Variants in FAM153A observed in about 807,000 individuals in gnomAD.
FAM153A encodes the protein family with sequence similarity 153 member A, also known as protein FAM153A.
A neutral mutation model predicts 48.1 loss-of-function variants in FAM153A; 12 were observed. The ratio of observed to expected loss-of-function variants is 0.25; its 90% CI spans 0.16 to 0.40. FAM153A has a LOEUF of 0.40. FAM153A is among the 10% of genes least tolerant of loss of function. The pLI, the probability that FAM153A is intolerant of heterozygous loss-of-function variation, is 1.00. For missense variants in FAM153A, 111 were observed against 345.8 expected, an observed-to-expected ratio of 0.32 and a Z score of 5.38; for synonymous variants, 36 against 118.2, an observed-to-expected ratio of 0.30 and a Z score of 4.51.
chr5:177,697,100 ATCT>A, the FAM153A span, among the ~76,000 whole-genome samples: 5 of 151,776 alleles, frequency 3.3e-5, no homozygotes, highest in Non-Finnish European at 7.4e-5. Context: ...ATTTATTTAA[ATCT>A]TCTTTAATTT....
At chr5:177,728,729 A>G (rs1763178152) in intron 18 of FAM153A, among the ~76,000 whole-genome samples, 1 of 150,978 alleles carries the variant, frequency 6.6e-6, no homozygotes. Flanking sequence ...CACCACACCC[A>G]GGTAATTTTG....
chr5:177,741,752 G>A (rs2334807), intron 6 of FAM153A, among the ~76,000 whole-genome samples: 599 of 15,166 alleles, frequency 0.039, 11 homozygotes, highest in African/African-American at 0.065. Context: ...ATCATTCAGT[G>A]CACACTTCAG....
chr5:177,708,108 G>C, downstream of FAM153A: 1 of 153,812 alleles, frequency 6.5e-6, no homozygotes, highest in Middle Eastern at 1.1e-3. Flanking sequence ...AACATAAACT[G>C]TGGTCACCCA....
intron 10 of FAM153A, among the ~76,000 whole-genome samples, chr5:177,738,246 G>A (rs760138421): frequency 2.0e-5 from 3 of 151,436 alleles, no homozygotes; most frequent in Non-Finnish European, 2.9e-5. Context: ...TGTAAGGCTT[G>A]TGGAGTTTAT....
At position 177,758,585 on chromosome 5, in the gene FAM153A, G is replaced by A. The variant is rs1284658512; in HGVS notation, c.-56-9886C>T. 1.3e-4 allele frequency among the ~76,000 whole-genome samples: 19 copies of A among 141,084 alleles called. No homozygotes were observed. The East Asian group carries it at 3.4e-3, about 26-fold the overall frequency. 92.6% of individuals were successfully genotyped at this position (141,084 alleles called of 152,430 possible). Reference sequence around the variant, plus strand: ...ACCTGACTTCAAACTATACTACAAGGCTACAGTAACCAAAACAGCATGGTA... The same window carrying A: ...ACCTGACTTCAAACTATACTACAAGACTACAGTAACCAAAACAGCATGGTA... On this transcript the variant is annotated intron_variant, in intron 1 of 8. Coordinates refer to the FAM153A transcript ENST00000393518.
intron 18 of FAM153A, among the ~76,000 whole-genome samples, chr5:177,728,753 G>A (rs1336664377): frequency 1.3e-5 from 2 of 150,792 alleles, no homozygotes; most frequent in Non-Finnish European, 2.9e-5. Context: ...TTTTAGGAGC[G>A]ATGGGGTTTC....
chr5:177,755,633 T>A (rs1294536999), upstream of FAM153A, among the ~76,000 whole-genome samples: 1 of 151,806 alleles, frequency 6.6e-6, no homozygotes, highest in Non-Finnish European at 1.5e-5. Context: ...TAACAGCTGA[T>A]CTCTTGGCAT....
the FAM153A span, among the ~76,000 whole-genome samples, chr5:177,698,197 A>G: frequency 6.6e-6 from 1 of 151,812 alleles, no homozygotes; most frequent in Non-Finnish European, 1.5e-5. Context: ...GTACTTTCCC[A>G]TCCAGCAGGA....
intron 1 of FAM153A, among the ~76,000 whole-genome samples, chr5:177,752,514 G>T (rs1354489651): frequency 7.2e-6 from 1 of 138,404 alleles, no homozygotes; most frequent in Admixed American, 7.2e-5. Flanking sequence ...CCAGCTACTT[G>T]GGAGGCTGAG....
intron 10 of FAM153A, among the ~76,000 whole-genome samples, chr5:177,738,422 GT>G (rs1159480534): frequency 6.6e-6 from 1 of 151,350 alleles, no homozygotes; most frequent in Non-Finnish European, 1.5e-5. Flanking sequence ...ACTGAGTTAT[GT>G]GACCATTGAG....
intron 1 of FAM153A, among the ~76,000 whole-genome samples, chr5:177,758,777 A>T (rs1561948832): frequency 6.8e-6 from 1 of 147,304 alleles, no homozygotes; most frequent in Non-Finnish European, 1.5e-5. Context: ...AGCCATATGT[A>T]GAAAGCTGAA....
intron 24 of FAM153A, among the ~76,000 whole-genome samples, chr5:177,716,617 G>C (rs1002818872): frequency 6.6e-6 from 1 of 151,606 alleles, no homozygotes; most frequent in African/African-American, 2.4e-5. Context: ...GTATTCAACT[G>C]TATTAAAACT....
downstream of FAM153A, among the ~76,000 whole-genome samples, chr5:177,705,249 A>G (rs1757771584): frequency 6.6e-6 from 1 of 151,742 alleles, no homozygotes; most frequent in South Asian, 2.1e-4. Flanking sequence ...GGTTGCAGTG[A>G]GCCAAGATCA....
chr5:177,702,486 C>T, the FAM153A span, among the ~76,000 whole-genome samples: 5 of 151,818 alleles, frequency 3.3e-5, no homozygotes, highest in Non-Finnish European at 5.9e-5. Context: ...AAAGAAAAGG[C>T]CATTTTCAGG....
At chr5:177,754,969 G>A (rs771149261), upstream of FAM153A, among the ~76,000 whole-genome samples, 1 of 151,842 alleles carries the variant, frequency 6.6e-6, no homozygotes, top group African/African-American at 2.4e-5. Context: ...CACCAGTAAC[G>A]GGACAAAGCT....
At chr5:177,710,899 C>T (rs923624359), downstream of FAM153A, among the ~76,000 whole-genome samples, 4 of 151,262 alleles carry the variant, frequency 2.6e-5, no homozygotes, top group African/African-American at 9.8e-5. Flanking sequence ...ATCCACCCTC[C>T]TCGGCCTCCC....
At chr5:177,705,750 C>T (rs1238071074), downstream of FAM153A, among the ~76,000 whole-genome samples, 1 of 143,722 alleles carries the variant, frequency 7.0e-6, no homozygotes, top group African/African-American at 2.6e-5. Context: ...ACCTCTGCTT[C>T]CTGGGTTCAA....
intron 12 of FAM153A, among the ~76,000 whole-genome samples, chr5:177,736,322 CA>C (rs757965349): frequency 6.0e-5 from 9 of 149,436 alleles, no homozygotes; most frequent in Non-Finnish European, 1.3e-4. Context: ...TCATTCCATA[CA>C]GACTGTCTCC....
intron 16 of FAM153A, among the ~76,000 whole-genome samples, chr5:177,730,735 C>T (rs1179852804): frequency 2.8e-5 from 4 of 145,032 alleles, no homozygotes; most frequent in African/African-American, 5.1e-5. Context: ...CACTCATCCC[C>T]GAGTTCACAT....
Sources: allele counts gnomAD v4.1 joint callset (sites outside exome capture counted in the v4.1 genomes callset), GRCh38; gene constraint gnomAD v4.1.1; transcripts MANE v1.5; gene names NCBI Gene and HGNC (gene_info 2026-07-23, HGNC 2026-07-21).